TJP1: variants seen among roughly 807,000 people sequenced by gnomAD.
TJP1 encodes tight junction protein ZO-1.
In TJP1, 43 loss-of-function variants were observed where a neutral mutation model predicts 194.2. That is an observed-to-expected ratio of 0.22 (90% CI 0.17 to 0.29). The LOEUF (loss-of-function observed/expected upper bound fraction) is 0.29. Ranked by LOEUF, TJP1 falls within the 10% of genes least tolerant of loss-of-function variation. The pLI is 1.00. For missense variants in TJP1, 1,971 were observed against 2,185.7 expected, an observed-to-expected ratio of 0.90 and a Z score of 1.96; for synonymous variants, 801 against 779.0, an observed-to-expected ratio of 1.03 and a Z score of -0.47.
rs751996718 is a variant in TJP1 at position 29,741,339 on chromosome 15, C to T, written c.1248G>A (p.Gly416=). The change falls in exon 10 of 28, where the codon GGG becomes GGA. Residue 416 remains glycine, a synonymous_variant. Transcript: ENST00000614355. The part of the protein sequence containing the change: ...GVLPNSTHED[G]ILRPSMKLVK... ...CTTTAAAATTGTATTACCGAAGAAT[C>T]CCATCTTCATGAGTTGAATTAGGTA... 2 of 1,587,238 alleles carry T rather than the reference C, an allele frequency of 1.3e-6. No individual in the cohort carries two copies. The highest frequency in any genetic ancestry group is 2.7e-5 in the African/African-American group (2 of 73,124).
intron 2 of TJP1, among the ~76,000 whole-genome samples, chr15:29,925,806 C>T (rs539024906): frequency 5.9e-5 from 9 of 152,288 alleles, no homozygotes; most frequent in African/African-American, 1.4e-4. Flanking sequence ...TAAAGTTCAA[C>T]GCTTTTCATT....
At position 29,910,050 on chromosome 15, in the gene TJP1, C is replaced by T. The variant is rs144276782; in HGVS notation, c.306+46182G>A. On this transcript the variant is annotated intron_variant, in intron 2 of 28. Transcript: ENST00000356107. ...AATCAGAAAACACTCTAAAAGGCAA[C>T]GTGATATTTGTTTATTTGTACTATT... Among the ~76,000 whole-genome samples the T allele has an allele frequency of 2.8e-3, 431 of 152,282 alleles. 2 individuals are homozygous for T. Among genetic ancestry groups the T allele is most frequent in the African/African-American group, 9.9e-3 (413 of 41,574 alleles).
intron 2 of TJP1, among the ~76,000 whole-genome samples, chr15:29,889,944 T>C (rs894272450): frequency 2.6e-5 from 4 of 152,236 alleles, no homozygotes; most frequent in Admixed American, 6.5e-5. Context: ...CTTTCCCACA[T>C]ACCACATAGC....
intron 1 of TJP1, among the ~76,000 whole-genome samples, chr15:29,801,255 G>A (rs1254627159): frequency 1.3e-5 from 2 of 151,878 alleles, no homozygotes; most frequent in Non-Finnish European, 2.9e-5. Context: ...ATAACCAAAA[G>A]AAAAAGAACA....
chr15:29,843,172 TTC>T (rs1262381130), intron 2 of TJP1, among the ~76,000 whole-genome samples: 160 of 146,798 alleles, frequency 1.1e-3, no homozygotes, highest in African/African-American at 3.8e-3. Flanking sequence ...TCTGTTTTTT[TTC>T]TTTTTTCTTT....
At chr15:29,794,730 G>A (rs943693460) in intron 2 of TJP1, among the ~76,000 whole-genome samples, 2 of 152,148 alleles carry the variant, frequency 1.3e-5, no homozygotes, top group Admixed American at 1.3e-4. Context: ...TGAAAAAACT[G>A]AAAAGGTAGT....
chr15:29,797,292 G>A (rs1252591720), intron 2 of TJP1, among the ~76,000 whole-genome samples: 1 of 152,144 alleles, frequency 6.6e-6, no homozygotes, highest in African/African-American at 2.4e-5. Flanking sequence ...TGGGACTACA[G>A]GCACATGCCA....
intron 2 of TJP1, among the ~76,000 whole-genome samples, chr15:29,913,840 C>A (rs1895320634): frequency 6.6e-6 from 1 of 152,184 alleles, no homozygotes; most frequent in Non-Finnish European, 1.5e-5. Flanking sequence ...TTGTGTCACT[C>A]TTAGCTGGAG....
chr15:29,842,945 A>G (rs1331633966), intron 2 of TJP1, among the ~76,000 whole-genome samples: 1 of 152,158 alleles, frequency 6.6e-6, no homozygotes, highest in African/African-American at 2.4e-5. Context: ...CAAAATGCCT[A>G]TTTCTGTGTC....
chr15:29,908,682 G>A (rs57805155), intron 2 of TJP1, among the ~76,000 whole-genome samples: 3,561 of 152,296 alleles, frequency 0.023, 110 homozygotes, highest in African/African-American at 0.075. Context: ...CCTGAGATGT[G>A]AAGTTGGCTA....
intron 15 of TJP1, among the ~76,000 whole-genome samples, chr15:29,731,464 C>T (rs45553536): frequency 0.032 from 4,922 of 152,212 alleles, 275 homozygotes; most frequent in African/African-American, 0.11. Flanking sequence ...GAGATGGCAC[C>T]TGTCAAAAGA....
intron 12 of TJP1, among the ~76,000 whole-genome samples, chr15:29,733,944 C>G (rs1325769557): frequency 6.6e-6 from 1 of 152,136 alleles, no homozygotes; most frequent in African/African-American, 2.4e-5. Flanking sequence ...TTAGAAACAT[C>G]AGTACAAAAT....
chr15:29,880,090 C>A (rs1007037780), intron 2 of TJP1, among the ~76,000 whole-genome samples: 1 of 151,774 alleles, frequency 6.6e-6, no homozygotes, highest in African/African-American at 2.4e-5. Context: ...ATATTTACTG[C>A]TTTCCTCTCC....
rs185624646 is a variant in TJP1 at position 29,735,983 on chromosome 15, A to G, written c.1407+1281T>C. On this transcript the variant is annotated intron_variant, in intron 11 of 27. Coordinates refer to ENST00000614355, the MANE Select transcript of TJP1 (RefSeq NM_001330239.4). ...AAAGAGGCAGTGTAGCAAGAGAAGC[A>G]GAGAGTTACCAACATTCTCCAAGTT... Among the ~76,000 whole-genome samples, 466 of 152,346 alleles carry G rather than the reference A, an allele frequency of 3.1e-3. 1 individual carries two copies. The highest frequency in any genetic ancestry group is 0.011 in the African/African-American group (449 of 41,576).
At chr15:29,928,810 T>C (rs1035480031) in intron 2 of TJP1, among the ~76,000 whole-genome samples, 7 of 151,970 alleles carry the variant, frequency 4.6e-5, no homozygotes, top group Non-Finnish European at 5.9e-5. Flanking sequence ...GGCGTGGTGG[T>C]GGGCGCCTGT....
intron 25 of TJP1, among the ~76,000 whole-genome samples, chr15:29,707,169 G>A (rs1201617456): frequency 6.6e-6 from 1 of 152,080 alleles, no homozygotes; most frequent in African/African-American, 2.4e-5. Flanking sequence ...AAACATCCAC[G>A]AAAGAGAGAC....
intron 8 of TJP1, among the ~76,000 whole-genome samples, chr15:29,752,145 C>G (rs1272488318): frequency 6.6e-6 from 1 of 151,786 alleles, no homozygotes; most frequent in Non-Finnish European, 1.5e-5. Context: ...CTCTGTCACC[C>G]AGGCTGGAGT....
intron 5 of TJP1, among the ~76,000 whole-genome samples, chr15:29,765,069 CAG>C (rs1349250973): frequency 2.0e-5 from 3 of 152,020 alleles, no homozygotes; most frequent in African/African-American, 4.8e-5. Flanking sequence ...GGGAAAAAAA[CAG>C]AAAGATACAG....
At position 29,708,675 on chromosome 15, in the gene TJP1, G is replaced by C. The variant is rs1483780383; in HGVS notation, c.4734C>G (p.His1578Gln). Residue 1578 changes from histidine to glutamine, a missense_variant, in exon 25 of 28, where the codon CAC becomes CAG. Coordinates refer to ENST00000614355, the MANE Select transcript of TJP1 (RefSeq NM_001330239.4). ...PTSPKTLVKS[H>Q]SLAQPPEFDS... Reference sequence around the variant, plus strand: ...CAAACTCAGGAGGCTGTGCCAAACTGTGCGATTTCACAAGAGTTTTTGGAG... The same window carrying C: ...CAAACTCAGGAGGCTGTGCCAAACTCTGCGATTTCACAAGAGTTTTTGGAG... The C allele has an allele frequency of 6.2e-7, 1 of 1,614,262 alleles. No individual in the cohort carries two copies. The highest frequency in any genetic ancestry group is 2.2e-5 in the East Asian group (1 of 44,880).
Sources: allele counts gnomAD v4.1 joint callset (sites outside exome capture counted in the v4.1 genomes callset), GRCh38; gene constraint gnomAD v4.1.1; transcripts MANE v1.5; gene names NCBI Gene and HGNC (gene_info 2026-07-23, HGNC 2026-07-21).